C1orf174: variants seen among roughly 807,000 people sequenced by gnomAD.
C1orf174 encodes the protein chromosome 1 open reading frame 174.
Under a neutral mutation model 18.4 loss-of-function variants are expected in C1orf174, and 13 were observed. That is an observed-to-expected ratio of 0.71 (90% CI 0.46 to 1.12). The LOEUF (loss-of-function observed/expected upper bound fraction) is 1.12. C1orf174 is among the 50% of genes most tolerant of loss of function. The probability of loss-of-function intolerance (pLI) is 0.00; values close to 1 mark genes in which losing one functional copy is unlikely to be tolerated. For synonymous variants in C1orf174, 100 were observed against 118.3 expected (o/e 0.85, Z 1.01); for missense variants, 309 against 308.0 (o/e 1.00, Z -0.02).
chr1:3,890,142 C>G, intron 3 of C1orf174, 69 bp from the exon 4 acceptor site: 1 of 1,281,484 alleles, frequency 7.8e-7, no homozygotes, highest in Admixed American at 1.7e-5. Context: ...TGCAATGTGC[C>G]CCACCCAGCG....
intron 1 of C1orf174, among the ~76,000 whole-genome samples, chr1:3,896,799 A>G (rs1638612997): frequency 6.6e-6 from 1 of 152,234 alleles, no homozygotes; most frequent in African/African-American, 2.4e-5. Context: ...ATTAGTTTGT[A>G]GAGCAACTTA....
At chr1:3,891,482 A>T in intron 2 of C1orf174, 1 of 510,122 alleles carries the variant, frequency 2.0e-6, no homozygotes, top group Non-Finnish European at 2.6e-6. Context: ...GGCACACAGT[A>T]GGTGCTCAAG....
Position 3,889,949 on chromosome 1 carries a change from T to G in C1orf174, c.*11A>C. 1 of 1,608,102 alleles carries G rather than the reference T, an allele frequency of 6.2e-7. No homozygotes were observed. Among genetic ancestry groups the G allele is most frequent in the South Asian group, 1.1e-5 (1 of 90,944 alleles). On this transcript the variant is annotated 3_prime_UTR_variant, in exon 4 of 4. Coordinates refer to ENST00000361605, the MANE Select transcript of C1orf174 (RefSeq NM_207356.3). ...GTACTAAATACTCAAGGACATTATT[T>G]TGTATGGCCCCTACATTTCTGCATC...
chr1:3,890,913 AAGG>A lies in C1orf174; in HGVS notation c.271_273del (p.Pro91del), dbSNP rs1434899645. The A allele has an allele frequency of 1.9e-6, 3 of 1,613,842 alleles. No homozygotes were observed. Among genetic ancestry groups the A allele is most frequent in the East Asian group, 2.2e-5 (1 of 44,880 alleles). On this transcript the variant is annotated inframe_deletion, in exon 3 of 4. Coordinates refer to ENST00000361605, the MANE Select transcript of C1orf174 (RefSeq NM_207356.3). Reference sequence around the variant, plus strand: ...CTGCCTTCAGCAAACTCATTTTCACAAGGGGTCTCAGGTGTCACTTTTGGCAAA... The same window carrying A: ...CTGCCTTCAGCAAACTCATTTTCACAGGTCTCAGGTGTCACTTTTGGCAAA...
At chr1:3,894,954 C>T (rs1638580435) in intron 1 of C1orf174, among the ~76,000 whole-genome samples, 1 of 152,230 alleles carries the variant, frequency 6.6e-6, no homozygotes, top group South Asian at 2.1e-4. Flanking sequence ...ACAGAGGTTA[C>T]AGAACTTGCT....
At position 3,893,013 on chromosome 1, in the gene C1orf174, C is replaced by A; in HGVS notation, c.16-17G>T. ...ACCTGTGAGCTAGAGAGATTGAGAG[C>A]CACTCAGAGAGTGCTCTCAGGAAGG... On this transcript the variant is annotated splice_polypyrimidine_tract_variant and intron_variant, in intron 1 of 3. Transcript: ENST00000361605. The A allele has an allele frequency of 6.2e-7, 1 of 1,612,386 alleles. No individual in the cohort carries two copies. Among genetic ancestry groups the A allele is most frequent in the Non-Finnish European group, 8.5e-7 (1 of 1,179,118 alleles).
intron 2 of C1orf174, 155 bp from the exon 3 acceptor site, chr1:3,891,212 G>C: frequency 1.0e-6 from 1 of 963,434 alleles, no homozygotes. Flanking sequence ...GCCACCAAGG[G>C]ACAAAATACA....
chr1:3,895,917 A>G (rs1638598824), intron 1 of C1orf174: 2 of 152,276 alleles, frequency 1.3e-5, no homozygotes, highest in South Asian at 4.1e-4. Context: ...AGCTTCACTG[A>G]CCTTCTCAGA....
At chr1:3,898,519 C>A (rs1469981768) in intron 1 of C1orf174, among the ~76,000 whole-genome samples, 3 of 116,178 alleles carry the variant, frequency 2.6e-5, no homozygotes, top group African/African-American at 6.9e-5. Context: ...AAAGCAAAAA[C>A]AACAACAACA....
intron 1 of C1orf174, 37 bp downstream of exon 1, chr1:3,900,135 C>T (rs748043402): frequency 1.3e-6 from 2 of 1,569,774 alleles, no homozygotes; most frequent in South Asian, 2.3e-5. Context: ...AGTCCCCGCC[C>T]TGCCCGGCGC....
rs950584353 is a variant in C1orf174 at position 3,897,812 on chromosome 1, C to T, written c.15+2360G>A. Among the ~76,000 whole-genome samples the T allele has an allele frequency of 2.2e-4, 34 of 152,158 alleles. 2 individuals are homozygous for T. Among genetic ancestry groups the T allele is most frequent in the Admixed American group, 1.5e-3 (23 of 15,278 alleles). ...CCAAGTAGCTGGAACTACAGGCGCC[C>T]GCCACCACGCCCCGCTAATTTTTTG... On this transcript the variant is annotated intron_variant, in intron 1 of 3. Transcript: ENST00000361605.
chr1:3,897,164 C>T (rs1184755288), intron 1 of C1orf174, among the ~76,000 whole-genome samples: 1 of 152,102 alleles, frequency 6.6e-6, no homozygotes, highest in Non-Finnish European at 1.5e-5. Context: ...AAAGTAGGCT[C>T]ATACACTGGA....
At chr1:3,897,821 G>A (rs917139702) in intron 1 of C1orf174, among the ~76,000 whole-genome samples, 10 of 151,932 alleles carry the variant, frequency 6.6e-5, no homozygotes, top group Non-Finnish European at 1.5e-4. Context: ...CCGCCACCAC[G>A]CCCCGCTAAT....
rs746319968 is a variant in C1orf174 at position 3,889,954 on chromosome 1, T to C, written c.*6A>G. 5 of 1,610,618 alleles carry C rather than the reference T, an allele frequency of 3.1e-6. No individual in the cohort carries two copies. Among genetic ancestry groups the C allele is most frequent in the East Asian group, 2.2e-5 (1 of 44,866 alleles). ...AAATACTCAAGGACATTATTTTGTA[T>C]GGCCCCTACATTTCTGCATCATCGT... On this transcript the variant is annotated 3_prime_UTR_variant, in exon 4 of 4. Transcript: ENST00000361605.
chr1:3,889,855 T>A lies in C1orf174; in HGVS notation c.*105A>T. On this transcript the variant is annotated 3_prime_UTR_variant, in exon 4 of 4. Transcript: ENST00000361605. Reference sequence around the variant, plus strand: ...TAGATGGGTCAGTTCTGAAGTTTGATTAAGACATTCTCTTGGAGATACATT... The same window carrying A: ...TAGATGGGTCAGTTCTGAAGTTTGAATAAGACATTCTCTTGGAGATACATT... 9.3e-7 allele frequency: 1 copy of A among 1,071,778 alleles called. No individual in the cohort carries two copies. The highest frequency in any genetic ancestry group is 1.3e-5 in the South Asian group (1 of 76,194). The allele number at this position is 1,071,778 out of a possible 1,614,324, so 66.4% of individuals were successfully genotyped here. A position where few individuals can be genotyped will look rare whatever the true frequency, so the allele number is the denominator to read the frequency against.
intron 3 of C1orf174, among the ~76,000 whole-genome samples, chr1:3,890,333 C>T (rs527845294): frequency 3.6e-4 from 55 of 152,290 alleles, no homozygotes; most frequent in African/African-American, 1.3e-3. Flanking sequence ...AAAAAAACCA[C>T]AAACCTGATT....
At chr1:3,896,474 G>T (rs1345522277) in intron 1 of C1orf174, among the ~76,000 whole-genome samples, 3 of 152,314 alleles carry the variant, frequency 2.0e-5, no homozygotes, top group East Asian at 1.9e-4. Context: ...GCAGGCCCTG[G>T]CTCAGAGGCT....
Position 3,891,054 on chromosome 1 carries a change from A to T in C1orf174, c.133T>A (p.Ser45Thr). ...STSAKTACLT[S>T]SSHKATDTRT... Reference sequence around the variant, plus strand: ...GTGTCTGTGGCTTTGTGGGATGAGGAAGTCTGTCAAGAAAAAAAATGTAAG... The same window carrying T: ...GTGTCTGTGGCTTTGTGGGATGAGGTAGTCTGTCAAGAAAAAAAATGTAAG... The change falls in exon 3 of 4, where the codon TCC (serine) becomes ACC (threonine). Residue 45 changes from serine (S) to threonine (T), a missense_variant. By Grantham distance (58) the Ser-to-Thr change is moderately conservative. Coordinates refer to ENST00000361605, the MANE Select transcript of C1orf174 (RefSeq NM_207356.3). The T allele has an allele frequency of 6.2e-7, 1 of 1,605,508 alleles. No individual in the cohort carries two copies. Among genetic ancestry groups the T allele is most frequent in the Non-Finnish European group, 8.5e-7 (1 of 1,176,760 alleles).
In C1orf174 at chr1:3,898,457, G is replaced by A. The variant is rs377066805; in HGVS notation, c.15+1715C>T. Among the ~76,000 whole-genome samples the A allele has an allele frequency of 1.2e-4, 18 of 151,786 alleles. No homozygotes were observed. In the East Asian group the frequency reaches 2.5e-3, roughly 21 times the overall value. On this transcript the variant is annotated intron_variant, in intron 1 of 3. Coordinates refer to ENST00000361605, the MANE Select transcript of C1orf174 (RefSeq NM_207356.3). Reference sequence around the variant, plus strand: ...CGGGAGGCAGAGGTTGCAGTGGGCCGAGATCACACCTCTGCACTCCAGCCT... The same window carrying A: ...CGGGAGGCAGAGGTTGCAGTGGGCCAAGATCACACCTCTGCACTCCAGCCT...
Sources: allele counts gnomAD v4.1 joint callset (sites outside exome capture counted in the v4.1 genomes callset), GRCh38; gene constraint gnomAD v4.1.1; transcripts MANE v1.5; gene names NCBI Gene and HGNC (gene_info 2026-07-23, HGNC 2026-07-21).